The following LRRK1 variants were observed in gnomAD, a reference collection of about 807,000 sequenced individuals.
LRRK1 encodes leucine-rich repeat serine/threonine-protein kinase 1.
Under a neutral mutation model 209.1 loss-of-function variants are expected in LRRK1, and 113 were observed. The ratio of observed to expected loss-of-function variants is 0.54; its 90% CI spans 0.46 to 0.63. The LOEUF is 0.63. Among genes scored for constraint, LRRK1 ranks in the 30% least tolerant of loss-of-function variants. LRRK1 has a pLI of 0.00. For missense variants in LRRK1, 2,284 were observed against 2,632.2 expected (o/e 0.87, Z 2.89); for synonymous variants, 1,144 against 1,099.7 (o/e 1.04, Z -0.80).
At chr15:101,031,503 T>G (rs779381437) in intron 20 of LRRK1, among the ~76,000 whole-genome samples, 13 of 152,236 alleles carry the variant, frequency 8.5e-5, no homozygotes, top group Admixed American at 5.9e-4. Flanking sequence ...GTTTATCCAC[T>G]CAGCTCTTGA....
chr15:100,984,350 T>A (rs1296230854), intron 4 of LRRK1, among the ~76,000 whole-genome samples: 1 of 152,208 alleles, frequency 6.6e-6, no homozygotes, highest in African/African-American at 2.4e-5. Context: ...TACGTTGCAA[T>A]TCATTCTTGC....
chr15:101,039,780 C>A (rs1348043527), intron 20 of LRRK1, among the ~76,000 whole-genome samples: 1 of 152,146 alleles, frequency 6.6e-6, no homozygotes, highest in African/African-American at 2.4e-5. Flanking sequence ...TTGCTAAAAG[C>A]TTTTATCATA....
chr15:100,950,764 T>G (rs2042628210), intron 2 of LRRK1, among the ~76,000 whole-genome samples: 1 of 152,182 alleles, frequency 6.6e-6, no homozygotes, highest in Non-Finnish European at 1.5e-5. Flanking sequence ...TGTATCTGAT[T>G]ATATAAAGAA....
chr15:101,019,357 T>G (rs943147433), intron 12 of LRRK1, among the ~76,000 whole-genome samples: 3 of 152,194 alleles, frequency 2.0e-5, no homozygotes, highest in African/African-American at 7.2e-5. Context: ...AGGCTAATAT[T>G]GATCATCTTT....
rs765425741 is a variant in LRRK1, at chr15:100,989,409, A to AC, written c.762+12dup. 7.9e-5 allele frequency: 128 copies of AC among 1,613,750 alleles called. No individual in the cohort carries two copies. The highest frequency in any genetic ancestry group is 1.0e-4 in the Non-Finnish European group (118 of 1,179,922). The stretch of plus-strand genomic sequence containing the variant: ...TATCCGGGAAAAACAGTGAGTAGTC[A>AC]CTGCCTGTGGAGTGTGTTTTAGTTC... On this transcript the variant is annotated intron_variant, in intron 6 of 33. Coordinates refer to ENST00000388948, the MANE Select transcript of LRRK1 (RefSeq NM_024652.6).
chr15:100,958,410 G>A (rs1349956875), intron 2 of LRRK1, among the ~76,000 whole-genome samples: 1 of 152,124 alleles, frequency 6.6e-6, no homozygotes, highest in Admixed American at 6.5e-5. Context: ...TGGGTGTTTT[G>A]GATACGTCTG....
At chr15:100,973,778 G>T in intron 2 of LRRK1, 26 bp from the exon 3 acceptor site, 1 of 1,267,142 alleles carries the variant, frequency 7.9e-7, no homozygotes, top group Non-Finnish European at 1.0e-6. Flanking sequence ...CGGTGACGCC[G>T]TGTGTGTGTG....
At position 101,049,695 on chromosome 15, in the gene LRRK1, A is replaced by C; in HGVS notation, c.3351A>C (p.Lys1117Asn). 1 of 1,614,000 alleles carries C rather than the reference A, an allele frequency of 6.2e-7. No homozygotes were observed. The highest frequency in any genetic ancestry group is 8.5e-7 in the Non-Finnish European group (1 of 1,179,960). ...NWKKKKSGGM[K>N]IVCQSEVRDF... ...AAAAGAAGAAAAGCGGAGGAATGAA[A>C]ATTGTTTGCCAATCAGAAGTGAGGG... Residue 1117 changes from lysine (K) to asparagine (N), a missense_variant, in exon 23 of 34, where the codon AAA becomes AAC. Physicochemically the swap from Lys to Asn is moderately conservative, Grantham distance 94. Around this residue, in one of 6 missense-constraint regions of LRRK1, gnomAD observed 780 missense variants for 985.2 expected, o/e 0.79. Coordinates refer to ENST00000388948, the MANE Select transcript of LRRK1 (RefSeq NM_024652.6).
intron 2 of LRRK1, among the ~76,000 whole-genome samples, chr15:100,934,626 CAAAAAAA>C (rs71151991): frequency 8.6e-4 from 62 of 72,378 alleles, no homozygotes; most frequent in African/African-American, 7.8e-4. Flanking sequence ...CCCATCTCTA[CAAAAAAA>C]AAAAAAAAAA....
chr15:100,999,901 T>G (rs912695954), intron 6 of LRRK1, among the ~76,000 whole-genome samples: 2 of 152,264 alleles, frequency 1.3e-5, no homozygotes, highest in African/African-American at 4.8e-5. Context: ...TAATATATGA[T>G]CAGAAGTGTA....
In LRRK1 at chr15:101,029,285, G is replaced by C. The variant is rs575832848; in HGVS notation, c.2963+53G>C. The stretch of plus-strand genomic sequence containing the variant: ...TGTGCAGGTTGCTCCCCGAAAGAGG[G>C]AGTTGGGGTCTGGAGCCACTGGTGG... On this transcript the variant is annotated intron_variant, in intron 20 of 33. Transcript: ENST00000388948. 4 of 1,536,148 alleles carry C rather than the reference G, an allele frequency of 2.6e-6. 1 individual carries two copies. Among genetic ancestry groups the C allele is most frequent in the Non-Finnish European group, 3.5e-6 (4 of 1,135,382 alleles).
rs12910353 is a variant in LRRK1, at chr15:101,066,217, G to T, written c.5768+12G>T. The T allele has an allele frequency of 8.7e-5, 139 of 1,592,104 alleles. 1 individual carries two copies. The African/African-American group carries it at 1.5e-3, about 17-fold the overall frequency. The stretch of plus-strand genomic sequence containing the variant: ...ATTTGGGTCCCCAGGTACGTTTCCC[G>T]AGGTGAGGGCACCATCCAGGGCACG... On this transcript the variant is annotated intron_variant, in intron 32 of 33. Transcript: ENST00000388948.
At chr15:101,043,017 G>A (rs1596312156) in intron 20 of LRRK1, among the ~76,000 whole-genome samples, 2 of 152,240 alleles carry the variant, frequency 1.3e-5, no homozygotes, top group African/African-American at 4.8e-5. Flanking sequence ...AGGCCTCTGA[G>A]TACTAGTTTC....
At chr15:100,926,465 T>C (rs1207566182) in intron 2 of LRRK1, among the ~76,000 whole-genome samples, 6 of 151,552 alleles carry the variant, frequency 4.0e-5, no homozygotes, top group African/African-American at 1.2e-4. Context: ...GAGGCGCTGC[T>C]CCCTCCCCTC....
chr15:100,930,978 A>G (rs2042202030), intron 2 of LRRK1, among the ~76,000 whole-genome samples: 1 of 152,252 alleles, frequency 6.6e-6, no homozygotes, highest in South Asian at 2.1e-4. Context: ...GGAAGTCCCA[A>G]TTCTGAGTCC....
At chr15:100,955,293 T>A (rs2042730389) in intron 2 of LRRK1, among the ~76,000 whole-genome samples, 3 of 152,206 alleles carry the variant, frequency 2.0e-5, no homozygotes, top group Non-Finnish European at 4.4e-5. Context: ...AATTTCTTTT[T>A]CTAAAAGCTT....
intron 1 of LRRK1, among the ~76,000 whole-genome samples, chr15:100,922,348 C>G: frequency 6.6e-6 from 1 of 152,094 alleles, no homozygotes; most frequent in South Asian, 2.1e-4. Context: ...GGGGCAGAGT[C>G]TTCCACTGGT....
chr15:101,051,411 C>G (rs1427815257), intron 23 of LRRK1, among the ~76,000 whole-genome samples: 1 of 152,184 alleles, frequency 6.6e-6, no homozygotes, highest in Non-Finnish European at 1.5e-5. Flanking sequence ...CCCAGTCATG[C>G]AGGAGGGATC....
chr15:100,988,582 C>T, intron 4 of LRRK1, 52 bp from the exon 5 acceptor site: 1 of 1,580,528 alleles, frequency 6.3e-7, no homozygotes. Context: ...AGAGTGGGAA[C>T]AAACAGCACC....
Sources: allele counts gnomAD v4.1 joint callset (sites outside exome capture counted in the v4.1 genomes callset), GRCh38; gene constraint gnomAD v4.1.1; regional missense constraint gnomAD v4.1.1; transcripts MANE v1.5; gene names NCBI Gene and HGNC (gene_info 2026-07-23, HGNC 2026-07-21).